The following FHIT variants were observed in gnomAD, a reference collection of about 807,000 sequenced individuals.
The protein encoded by FHIT is bis(5'-adenosyl)-triphosphatase.
FHIT carries 19 observed loss-of-function variants against 17.9 expected under a neutral mutation model. The ratio of observed to expected loss-of-function variants is 1.06; its 90% CI spans 0.74 to 1.56. The LOEUF is 1.56. Among genes scored for constraint, FHIT ranks in the 40% most tolerant of loss-of-function variants. The pLI is 0.00. For synonymous variants in FHIT, 81 were observed against 69.7 expected (o/e 1.16, Z -0.81); for missense variants, 248 against 189.2 (o/e 1.31, Z -1.82).
rs140434946 is a variant in FHIT at position 60,820,400 on chromosome 3, C to T, written c.-18+1519G>A. Among the ~76,000 whole-genome samples, 3 of 152,270 alleles carry T rather than the reference C, an allele frequency of 2.0e-5. No individual in the cohort carries two copies. In the East Asian group the frequency reaches 5.8e-4, roughly 29 times the overall value. On this transcript the variant is annotated intron_variant, in intron 4 of 9. Transcript: ENST00000492590. ...ATGTAAAGGCTCATATGAAAAGGCA[C>T]ATAACACCAGTGCTCCATTTTACCT...
intron 3 of FHIT, among the ~76,000 whole-genome samples, chr3:60,879,215 T>C (rs1374704694): frequency 2.0e-5 from 3 of 152,198 alleles, no homozygotes; most frequent in African/African-American, 7.2e-5. Flanking sequence ...CATTGTGGTT[T>C]TGATTTGCAT....
At chr3:60,034,333 C>T (rs1374592405) in intron 5 of FHIT, among the ~76,000 whole-genome samples, 1 of 152,200 alleles carries the variant, frequency 6.6e-6, no homozygotes, top group Admixed American at 6.5e-5. Flanking sequence ...GCAATTCTTG[C>T]TTTTACTTAC....
intron 7 of FHIT, among the ~76,000 whole-genome samples, chr3:59,990,578 T>A (rs1276551819): frequency 6.6e-6 from 1 of 152,054 alleles, no homozygotes; most frequent in Non-Finnish European, 1.5e-5. Flanking sequence ...GGGCATTTTA[T>A]CTTTGTGAGC....
At chr3:59,789,542 T>TA (rs1232637450) in intron 8 of FHIT, among the ~76,000 whole-genome samples, 2 of 152,208 alleles carry the variant, frequency 1.3e-5, no homozygotes, top group South Asian at 4.1e-4. Flanking sequence ...CTTTTATTTT[T>TA]AAAAAATTCT....
chr3:61,032,367 T>C (rs959036284), intron 3 of FHIT, among the ~76,000 whole-genome samples: 11 of 152,248 alleles, frequency 7.2e-5, no homozygotes, highest in East Asian at 1.9e-4. Context: ...ATAAGGAACA[T>C]AAGGTGTACT....
intron 8 of FHIT, among the ~76,000 whole-genome samples, chr3:59,895,975 A>G (rs1005261457): frequency 1.3e-5 from 2 of 152,108 alleles, no homozygotes; most frequent in South Asian, 2.1e-4. Context: ...AGATCCTTAC[A>G]TGGCTGGCAC....
chr3:60,297,499 A>G (rs939215840), intron 5 of FHIT, among the ~76,000 whole-genome samples: 8 of 151,850 alleles, frequency 5.3e-5, no homozygotes, highest in African/African-American at 1.9e-4. Flanking sequence ...GCCTTTCTGA[A>G]CTCATCTATT....
At chr3:60,562,785 G>C (rs1015891572) in intron 4 of FHIT, among the ~76,000 whole-genome samples, 1 of 152,146 alleles carries the variant, frequency 6.6e-6, no homozygotes. Context: ...GCCACCTTGA[G>C]TAAGACCTAA....
intron 2 of FHIT, among the ~76,000 whole-genome samples, chr3:61,150,033 G>T (rs1193046444): frequency 6.6e-6 from 1 of 152,120 alleles, no homozygotes; most frequent in Non-Finnish European, 1.5e-5. Context: ...GGAGCCTAAG[G>T]CACTGCCCCT....
chr3:60,226,274 A>G (rs1042488303), intron 5 of FHIT, among the ~76,000 whole-genome samples: 1 of 151,986 alleles, frequency 6.6e-6, no homozygotes, highest in African/African-American at 2.4e-5. Context: ...AGAGTTCAAG[A>G]CCAGCCTGAC....
intron 5 of FHIT, among the ~76,000 whole-genome samples, chr3:60,091,849 C>T (rs1436388826): frequency 2.6e-5 from 4 of 152,052 alleles, no homozygotes; most frequent in East Asian, 1.9e-4. Flanking sequence ...CCCTAGAAGC[C>T]GAAGCTGCTA....
rs556450479 is a variant in FHIT at position 60,001,266 on chromosome 3, A to G, written c.279+10105T>C. ...GCACATGGCACATAGTAGGCACTCAATAAACACTTATTGGAGTAATATGTT... is the reference window on the plus strand; with the variant it reads ...GCACATGGCACATAGTAGGCACTCAGTAAACACTTATTGGAGTAATATGTT... On this transcript the variant is annotated intron_variant, in intron 7 of 9. Transcript: ENST00000492590. Among the ~76,000 whole-genome samples, 5 of 152,308 alleles carry G rather than the reference A, an allele frequency of 3.3e-5. No individual in the cohort carries two copies. In the South Asian group the frequency reaches 1.0e-3, roughly 32 times the overall value.
intron 4 of FHIT, among the ~76,000 whole-genome samples, chr3:60,768,819 C>A (rs1553722256): frequency 6.6e-6 from 1 of 152,164 alleles, no homozygotes; most frequent in Non-Finnish European, 1.5e-5. Context: ...GAAAATTGCC[C>A]CGCAAACTGC....
intron 5 of FHIT, among the ~76,000 whole-genome samples, chr3:60,350,661 G>A (rs1413184643): frequency 6.6e-6 from 1 of 151,976 alleles, no homozygotes; most frequent in Non-Finnish European, 1.5e-5. Context: ...GCTACTTAAA[G>A]TATGGCTATG....
Position 60,018,252 on chromosome 3 carries a change from T to C in FHIT, c.104-4100A>G, listed in dbSNP as rs537524110. On this transcript the variant is annotated intron_variant, in intron 5 of 9. Transcript: ENST00000492590. ...AACAACCAGCTCTTCTGGGAACTAA[T>C]AGAGCAGTAGAGAGCTCACTGGTTA... Among the ~76,000 whole-genome samples, 7 of 152,222 alleles carry C rather than the reference T, an allele frequency of 4.6e-5. No individual in the cohort carries two copies. The South Asian group carries it at 1.2e-3, about 27-fold the overall frequency.
At chr3:59,835,648 T>C (rs1253318821) in intron 8 of FHIT, among the ~76,000 whole-genome samples, 1 of 152,144 alleles carries the variant, frequency 6.6e-6, no homozygotes, top group Non-Finnish European at 1.5e-5. Flanking sequence ...ACTCTCAATA[T>C]GTCTTCCCCA....
At chr3:60,610,104 T>G (rs913293864) in intron 4 of FHIT, among the ~76,000 whole-genome samples, 6 of 152,160 alleles carry the variant, frequency 3.9e-5, no homozygotes, top group Non-Finnish European at 7.3e-5. Flanking sequence ...CATATGAGTT[T>G]TATTCTGCTT....
At chr3:59,888,933 T>A (rs368512367) in intron 8 of FHIT, among the ~76,000 whole-genome samples, 1 of 152,210 alleles carries the variant, frequency 6.6e-6, no homozygotes, top group African/African-American at 2.4e-5. Context: ...AGGCATCACA[T>A]AGCCAGAAGA....
chr3:59,908,802 C>A (rs551831692), intron 8 of FHIT, among the ~76,000 whole-genome samples: 1 of 58,246 alleles, frequency 1.7e-5, no homozygotes, highest in Non-Finnish European at 4.5e-5. Context: ...TTTGCTTTCA[C>A]AGCCAGAAAT....
Sources: gnomAD v4.1 joint callset for allele counts (sites outside exome capture counted in the v4.1 genomes callset) on GRCh38, gnomAD v4.1.1 for gene constraint, MANE v1.5 for transcripts, NCBI Gene and HGNC (gene_info 2026-07-23, HGNC 2026-07-21) for gene names.